The following LGALS9B variants were observed in gnomAD, a reference collection of about 807,000 sequenced individuals.
The protein encoded by LGALS9B is galectin 9B, also known as galectin-9B.
LGALS9B carries 8 observed loss-of-function variants against 35.9 expected under a neutral mutation model. The observed-to-expected ratio is 0.22, with a 90% CI of 0.13 to 0.40. The LOEUF is 0.40. Ranked by LOEUF, LGALS9B falls within the 10% of genes least tolerant of loss-of-function variation. LGALS9B has a pLI of 1.00. For synonymous variants in LGALS9B, 42 were observed against 148.6 expected (o/e 0.28, Z 5.22); for missense variants, 101 against 397.9 (o/e 0.25, Z 6.35).
chr17:20,451,623 G>A lies in LGALS9B; in HGVS notation c.782C>T (p.Ser261Phe), dbSNP rs1353811411. The A allele has an allele frequency of 6.3e-7, 1 of 1,599,790 alleles. No individual in the cohort carries two copies. The highest frequency in any genetic ancestry group is 2.2e-5 in the East Asian group (1 of 44,760). The change falls in exon 10 of 11, where the codon TCT becomes TTT. Residue 261 changes from serine to phenylalanine, a missense_variant. Ser to Phe is a radical substitution (Grantham distance 155). Transcript: ENST00000423676. The part of the protein sequence containing the change: ...SAQRFHINLC[S>F]GSHIAFHMNP... The stretch of plus-strand genomic sequence containing the variant: ...CATGTGGAAGGCGATGTGGCTCCCA[G>A]AGCACAGGTTGATGTGGAACCTGCG...
rs556757481 is a variant in LGALS9B at position 20,461,501 on chromosome 17, A to G, written c.40-1058T>C. On this transcript the variant is annotated intron_variant, in intron 1 of 10. Transcript: ENST00000423676. Reference sequence around the variant, plus strand: ...TATCCGGTGTGGTTCTATAACCTGCATTAAAGCACAGTTCTATCTCATGGC... The same window carrying G: ...TATCCGGTGTGGTTCTATAACCTGCGTTAAAGCACAGTTCTATCTCATGGC... Among the ~76,000 whole-genome samples, 5 of 150,626 alleles carry G rather than the reference A, an allele frequency of 3.3e-5. No homozygotes were observed. In the East Asian group the frequency reaches 9.9e-4, roughly 30 times the overall value.
At chr17:20,451,343 T>C (rs1682191) in intron 10 of LGALS9B, 138 bp downstream of exon 10, 108,365 of 384,520 alleles carry the variant, frequency 0.28, 17,261 homozygotes, top group Middle Eastern at 0.33. Flanking sequence ...ATGACAATAA[T>C]TTTTTGGCCA....
At chr17:20,465,076 G>A (rs986848967) in intron 1 of LGALS9B, among the ~76,000 whole-genome samples, 2 of 152,110 alleles carry the variant, frequency 1.3e-5, no homozygotes, top group Admixed American at 6.5e-5. Flanking sequence ...TGTGCCCAGA[G>A]ACCGGGGACT....
chr17:20,466,101 G>A (rs1725686), intron 1 of LGALS9B, among the ~76,000 whole-genome samples: 2,626 of 151,686 alleles, frequency 0.017, 85 homozygotes, highest in African/African-American at 0.057. Flanking sequence ...CCCCTCTCTG[G>A]CAGAAAACCA....
At chr17:20,467,339 C>G (rs1258081076) in intron 1 of LGALS9B, 93 bp downstream of exon 1, 3 of 1,247,968 alleles carry the variant, frequency 2.4e-6, no homozygotes, top group Non-Finnish European at 3.4e-6. Context: ...GCCCCCACCC[C>G]TGTCTCCTGC....
chr17:20,451,154 G>A (rs1423751315), intron 10 of LGALS9B, among the ~76,000 whole-genome samples: 11 of 151,248 alleles, frequency 7.3e-5, no homozygotes, highest in Admixed American at 2.0e-4. Context: ...GCGGGCGACA[G>A]TGAAATCGTT....
At chr17:20,464,981 G>T (rs894930479) in intron 1 of LGALS9B, among the ~76,000 whole-genome samples, 2 of 152,216 alleles carry the variant, frequency 1.3e-5, no homozygotes, top group African/African-American at 4.8e-5. Flanking sequence ...TGAGCCTCTG[G>T]CCCATGTCGG....
At chr17:20,461,366 T>A (rs532116413) in intron 1 of LGALS9B, among the ~76,000 whole-genome samples, 98 of 152,018 alleles carry the variant, frequency 6.4e-4, no homozygotes, top group Non-Finnish European at 1.0e-3. Context: ...TAGAAGAGAC[T>A]GGCACAGAGG....
intron 4 of LGALS9B, among the ~76,000 whole-genome samples, chr17:20,456,137 C>T (rs2042689136): frequency 6.6e-6 from 1 of 152,200 alleles, no homozygotes; most frequent in East Asian, 1.9e-4. Context: ...ACACAACCAC[C>T]CATGGGGGCC....
Position 20,453,261 on chromosome 17 carries a change from G to T in LGALS9B, c.577-194C>A. 2 of 662,664 alleles carry T rather than the reference G, an allele frequency of 3.0e-6. 1 individual carries two copies. Among genetic ancestry groups the T allele is most frequent in the Non-Finnish European group, 5.2e-6 (2 of 383,674 alleles). 41.0% of individuals were successfully genotyped at this position (662,664 alleles called of 1,614,324 possible). A position where few individuals can be genotyped will look rare whatever the true frequency, so the allele number is the denominator to read the frequency against. On this transcript the variant is annotated intron_variant, in intron 6 of 10. Coordinates refer to ENST00000423676, the MANE Select transcript of LGALS9B (RefSeq NM_001367292.2). The stretch of plus-strand genomic sequence containing the variant: ...AACCCTGGAGAAGACAGATGGGGAC[G>T]CTGGTGGCTCTGGCCCATCTTTCCT...
intron 1 of LGALS9B, among the ~76,000 whole-genome samples, chr17:20,465,903 A>G: frequency 6.7e-6 from 1 of 150,122 alleles, no homozygotes; most frequent in Non-Finnish European, 1.5e-5. Context: ...CGTAGGGTAG[A>G]GGGGAGCTCT....
At position 20,462,238 on chromosome 17, in the gene LGALS9B, C is replaced by T. The variant is rs1597497725; in HGVS notation, c.40-1795G>A. On this transcript the variant is annotated intron_variant, in intron 1 of 10. Coordinates refer to ENST00000423676, the MANE Select transcript of LGALS9B (RefSeq NM_001367292.2). Reference sequence around the variant, plus strand: ...GGAATGAAATCTCTGGATTTGCTTCCGCATATCTGAAGGTGGGAAGAGAAG... The same window carrying T: ...GGAATGAAATCTCTGGATTTGCTTCTGCATATCTGAAGGTGGGAAGAGAAG... Among the ~76,000 whole-genome samples, 4 of 43,546 alleles carry T rather than the reference C, an allele frequency of 9.2e-5. 2 individuals are homozygous for T. The highest frequency in any genetic ancestry group is 0.021 in the Middle Eastern group (2 of 96). 28.6% of individuals were successfully genotyped at this position (43,546 alleles called of 152,430 possible).
chr17:20,455,441 T>C (rs1214303683), intron 4 of LGALS9B, 43 bp from the exon 5 acceptor site: 1 of 1,319,156 alleles, frequency 7.6e-7, no homozygotes, highest in East Asian at 2.3e-5. Flanking sequence ...GAAGCATTAA[T>C]AGAGCCAAGG....
Position 20,462,324 on chromosome 17 carries a change from A to G in LGALS9B, c.40-1881T>C, listed in dbSNP as rs540179674. ...CCTGAGTTGATCATTGTTGGAGCAG[A>G]GTGATGGGTGTGTGTTGTTGATGGT... On this transcript the variant is annotated intron_variant, in intron 1 of 10. Coordinates refer to ENST00000423676, the MANE Select transcript of LGALS9B (RefSeq NM_001367292.2). Among the ~76,000 whole-genome samples, 14 of 47,502 alleles carry G rather than the reference A, an allele frequency of 2.9e-4. 4 individuals are homozygous for G. The East Asian group carries it at 4.6e-3, about 16-fold the overall frequency. The allele number at this position is 47,502 out of a possible 152,430, so 31.2% of individuals were successfully genotyped here. A position where few individuals can be genotyped will look rare whatever the true frequency, so the allele number is the denominator to read the frequency against.
At chr17:20,466,410 C>T (rs1358620493) in intron 1 of LGALS9B, among the ~76,000 whole-genome samples, 1 of 151,456 alleles carries the variant, frequency 6.6e-6, no homozygotes, top group Non-Finnish European at 1.5e-5. Context: ...TGAGGTGGCC[C>T]CTGGCAGCTT....
chr17:20,460,894 C>T (rs376896130), intron 1 of LGALS9B, among the ~76,000 whole-genome samples: 7,766 of 140,920 alleles, frequency 0.055, 1 homozygote, highest in Middle Eastern at 0.11. Flanking sequence ...ACTCAGGAGG[C>T]CCAAGGGAAC....
chr17:20,467,145 A>G (rs2042768528), intron 1 of LGALS9B, among the ~76,000 whole-genome samples: 1 of 141,830 alleles, frequency 7.1e-6, no homozygotes. Context: ...CTTTACACAA[A>G]CCATCCCACT....
rs1233944917 is a variant in LGALS9B at position 20,455,174 on chromosome 17, CAG to C, written c.540+127_540+128del. 56 of 580,080 alleles carry C rather than the reference CAG, an allele frequency of 9.7e-5. No individual in the cohort carries two copies. In the African/African-American group the frequency reaches 1.0e-3, roughly 10 times the overall value. 35.9% of individuals were successfully genotyped at this position (580,080 alleles called of 1,614,324 possible). A position where few individuals can be genotyped will look rare whatever the true frequency, so the allele number is the denominator to read the frequency against. ...GCTCTGGGTGCCCAGCAGACAGAGA[CAG>C]GGAACTCTTGAGTGGGCAAGATGTG... On this transcript the variant is annotated intron_variant, in intron 5 of 10. Transcript: ENST00000423676.
Position 20,465,815 on chromosome 17 carries a change from G to T in LGALS9B, c.39+1617C>A, listed in dbSNP as rs181108010. Among the ~76,000 whole-genome samples, 89 of 146,622 alleles carry T rather than the reference G, an allele frequency of 6.1e-4. 2 individuals carry two copies. The highest frequency in any genetic ancestry group is 2.1e-3 in the African/African-American group (84 of 39,534). On this transcript the variant is annotated intron_variant, in intron 1 of 10. Transcript: ENST00000423676. ...ACCGCGTGACCTTCCCCCACTGTCGGCATGTGGAGAAAGCGTGGCTCCGAC... is the reference window on the plus strand; with the variant it reads ...ACCGCGTGACCTTCCCCCACTGTCGTCATGTGGAGAAAGCGTGGCTCCGAC...
Sources: gnomAD v4.1 joint callset for allele counts (sites outside exome capture counted in the v4.1 genomes callset) on GRCh38, gnomAD v4.1.1 for gene constraint, MANE v1.5 for transcripts, NCBI Gene and HGNC (gene_info 2026-07-23, HGNC 2026-07-21) for gene names.